The following ERICH1 variants were observed in gnomAD, a reference collection of about 807,000 sequenced individuals.
ERICH1 encodes glutamate rich 1.
A neutral mutation model predicts 39.6 loss-of-function variants in ERICH1; 56 were observed. The ratio of observed to expected loss-of-function variants is 1.41; its 90% CI spans 1.14 to 1.77. The LOEUF (loss-of-function observed/expected upper bound fraction) is 1.77. Ranked by LOEUF, ERICH1 falls within the 40% of genes most tolerant of loss-of-function variation. The pLI, the probability that ERICH1 is intolerant of heterozygous loss-of-function variation, is 0.00. For missense variants in ERICH1, 826 were observed against 575.4 expected, an observed-to-expected ratio of 1.44 and a Z score of -4.45; for synonymous variants, 313 against 223.6, an observed-to-expected ratio of 1.40 and a Z score of -3.57.
intron 3 of ERICH1, among the ~76,000 whole-genome samples, chr8:685,669 C>G (rs892256522): frequency 1.3e-5 from 2 of 152,182 alleles, no homozygotes; most frequent in African/African-American, 4.8e-5. Context: ...TTCTCTGTCA[C>G]GCCTTCAGCC....
At chr8:636,706 A>G (rs1338842331) in intron 3 of ERICH1, among the ~76,000 whole-genome samples, 1 of 152,232 alleles carries the variant, frequency 6.6e-6, no homozygotes, top group Non-Finnish European at 1.5e-5. Flanking sequence ...AGCCTCCGAC[A>G]CTGTGACCTC....
chr8:677,951 C>G (rs539697075), intron 3 of ERICH1, among the ~76,000 whole-genome samples: 1 of 152,230 alleles, frequency 6.6e-6, no homozygotes, highest in East Asian at 1.9e-4. Context: ...CCGGGGTCAG[C>G]TTCCCCTCCT....
At chr8:630,764 G>A (rs1489083080) in intron 3 of ERICH1, among the ~76,000 whole-genome samples, 1 of 135,142 alleles carries the variant, frequency 7.4e-6, no homozygotes, top group Non-Finnish European at 1.6e-5. Context: ...ACCCTCCCGT[G>A]AGCACCCACA....
intron 3 of ERICH1, among the ~76,000 whole-genome samples, chr8:675,086 C>A (rs1804380282): frequency 6.6e-6 from 1 of 152,172 alleles, no homozygotes; most frequent in Non-Finnish European, 1.5e-5. Flanking sequence ...TAAACCATGG[C>A]AGTCTCAACA....
intron 2 of ERICH1, among the ~76,000 whole-genome samples, chr8:696,980 C>G (rs1025336540): frequency 2.6e-5 from 4 of 152,124 alleles, no homozygotes; most frequent in African/African-American, 4.8e-5. Flanking sequence ...CCTGTGCTTG[C>G]TCCTCTTACC....
intron 3 of ERICH1, among the ~76,000 whole-genome samples, chr8:621,919 T>G (rs1797307165): frequency 6.6e-6 from 1 of 152,188 alleles, no homozygotes; most frequent in Non-Finnish European, 1.5e-5. Context: ...TAAATAATGT[T>G]AAAACTTCCT....
At chr8:652,286 A>G (rs1053831016) in intron 3 of ERICH1, among the ~76,000 whole-genome samples, 2 of 152,252 alleles carry the variant, frequency 1.3e-5, no homozygotes, top group Non-Finnish European at 1.5e-5. Context: ...GCTGTTCTAC[A>G]AGAGCAAGAC....
intron 2 of ERICH1, among the ~76,000 whole-genome samples, chr8:710,215 C>G (rs895897479): frequency 6.6e-6 from 1 of 152,220 alleles, no homozygotes; most frequent in African/African-American, 2.4e-5. Flanking sequence ...ATGCGCCCAC[C>G]ATGACAGCAT....
At position 705,335 on chromosome 8, in the gene ERICH1, G is replaced by A. The variant is rs1813026000; in HGVS notation, c.169+10526C>T. On this transcript the variant is annotated intron_variant, in intron 2 of 5. Transcript: ENST00000262109. ...CAACGGACACTGCGCGATGGCCCGT[G>A]CAGAAGTGACCCACGGTTCTTACGT... 2.0e-5 allele frequency among the ~76,000 whole-genome samples: 3 copies of A among 152,234 alleles called. No individual in the cohort carries two copies. The South Asian group carries it at 6.2e-4, about 31-fold the overall frequency.
In ERICH1 at chr8:683,393, G is replaced by C. The variant is rs571289053; in HGVS notation, c.304+9085C>G. 6.6e-5 allele frequency among the ~76,000 whole-genome samples: 10 copies of C among 152,364 alleles called. 1 individual carries two copies. The South Asian group carries it at 8.3e-4, about 13-fold the overall frequency. On this transcript the variant is annotated intron_variant, in intron 3 of 5. Coordinates refer to ENST00000262109, the MANE Select transcript of ERICH1 (RefSeq NM_207332.3). Reference sequence around the variant, plus strand: ...GGGCCTCAGCCACCAAGGACTGCCTGTGAGACGGGGAGCACCCCTCCAGGG... The same window carrying C: ...GGGCCTCAGCCACCAAGGACTGCCTCTGAGACGGGGAGCACCCCTCCAGGG...
At chr8:628,899 G>C (rs369470008) in intron 3 of ERICH1, among the ~76,000 whole-genome samples, 2 of 152,056 alleles carry the variant, frequency 1.3e-5, no homozygotes, top group Non-Finnish European at 2.9e-5. Context: ...TTCCGCTCAC[G>C]AACCTCGGGG....
chr8:616,601 G>A (rs1029766717), intron 3 of ERICH1: 2 of 455,562 alleles, frequency 4.4e-6, no homozygotes, highest in African/African-American at 4.0e-5. Flanking sequence ...GACAGAGAGA[G>A]AATAAGAGTG....
rs1441776662 is a variant in ERICH1, at chr8:648,048, G to A, written c.976+20550C>T. On this transcript the variant is annotated intron_variant, in intron 3 of 3. Transcript: ENST00000522706. The stretch of plus-strand genomic sequence containing the variant: ...GTGTGGCTGACGCAAACGACAGCAC[G>A]TCAGACAGCAGCTAGAATCCACAGT... Among the ~76,000 whole-genome samples, 6 of 67,716 alleles carry A rather than the reference G, an allele frequency of 8.9e-5. 2 individuals carry two copies. Among genetic ancestry groups the A allele is most frequent in the Non-Finnish European group, 1.8e-4 (4 of 22,078 alleles). The allele number at this position is 67,716 out of a possible 152,430, so 44.4% of individuals were successfully genotyped here. A position where few individuals can be genotyped will look rare whatever the true frequency, so the allele number is the denominator to read the frequency against.
intron 3 of ERICH1, among the ~76,000 whole-genome samples, chr8:691,900 A>T (rs1808984553): frequency 6.6e-6 from 1 of 152,218 alleles, no homozygotes; most frequent in Non-Finnish European, 1.5e-5. Context: ...GTGAAAAACA[A>T]CTATTTCCCT....
chr8:699,190 C>T (rs12156406), intron 2 of ERICH1, among the ~76,000 whole-genome samples: 32,494 of 152,060 alleles, frequency 0.21, 4,325 homozygotes, highest in Non-Finnish European at 0.3. Flanking sequence ...AATATGGTCA[C>T]AGTTACCCTG....
chr8:682,034 C>T (rs1363678139), intron 3 of ERICH1, among the ~76,000 whole-genome samples: 2 of 149,996 alleles, frequency 1.3e-5, no homozygotes, highest in African/African-American at 4.9e-5. Flanking sequence ...TTCCATCCAC[C>T]CCCACCCTGC....
chr8:658,823 G>A (rs1487712421), intron 3 of ERICH1, among the ~76,000 whole-genome samples: 4 of 152,192 alleles, frequency 2.6e-5, no homozygotes, highest in Admixed American at 2.6e-4. Flanking sequence ...CAGGCTGTGG[G>A]CTTTGCTTAT....
At chr8:695,581 T>C (rs1381899251) in intron 2 of ERICH1, among the ~76,000 whole-genome samples, 2 of 50,692 alleles carry the variant, frequency 3.9e-5, no homozygotes, top group African/African-American at 1.6e-4. Flanking sequence ...CCTGCGCCTG[T>C]GCTGGCTCCT....
At chr8:636,142 C>G (rs1005131118) in intron 3 of ERICH1, among the ~76,000 whole-genome samples, 7 of 152,238 alleles carry the variant, frequency 4.6e-5, no homozygotes, top group Non-Finnish European at 7.3e-5. Flanking sequence ...CTGGCGCGCT[C>G]TAAGGCGGCT....
Sources: allele counts gnomAD v4.1 joint callset (sites outside exome capture counted in the v4.1 genomes callset), GRCh38; gene constraint gnomAD v4.1.1; transcripts MANE v1.5; gene names NCBI Gene and HGNC (gene_info 2026-07-23, HGNC 2026-07-21).